The following MLLT6 variants were observed in gnomAD, a reference collection of about 807,000 sequenced individuals.
The protein encoded by MLLT6 is protein AF-17.
MLLT6 carries 22 observed loss-of-function variants against 103.0 expected under a neutral mutation model. That is an observed-to-expected ratio of 0.21 (90% confidence interval 0.15 to 0.31). The LOEUF is 0.31. Among genes scored for constraint, MLLT6 ranks in the 10% least tolerant of loss-of-function variants. MLLT6 has a pLI of 1.00. For missense variants in MLLT6, 1,199 were observed against 1,441.7 expected, an observed-to-expected ratio of 0.83 and a Z score of 2.73; for synonymous variants, 606 against 623.5, an observed-to-expected ratio of 0.97 and a Z score of 0.42.
chr17:38,720,952 C>T, intron 16 of MLLT6: 1 of 603,222 alleles, frequency 1.7e-6, no homozygotes, highest in Non-Finnish European at 3.0e-6. Context: ...GTGAGCAAAA[C>T]CGGCACAGCG....
In MLLT6 at chr17:38,712,780, T is replaced by G; in HGVS notation, c.810T>G (p.Thr270=). Residue 270 remains threonine, a synonymous_variant, in exon 8 of 20, where the codon ACT becomes ACG. Coordinates refer to ENST00000621332, the MANE Select transcript of MLLT6 (RefSeq NM_005937.4). ...PSILTPPVVP[T]ADKVSSSASS... ...TCCTCACCCCGCCCGTGGTCCCCAC[T>G]GCTGACAAGGTACTGCTGCCCACCT... 1.2e-6 allele frequency: 2 copies of G among 1,612,458 alleles called. No homozygotes were observed. The highest frequency in any genetic ancestry group is 1.7e-6 in the Non-Finnish European group (2 of 1,178,648).
intron 14 of MLLT6, chr17:38,720,102 C>T: frequency 2.6e-6 from 2 of 780,810 alleles, no homozygotes; most frequent in Non-Finnish European, 4.0e-6. Flanking sequence ...CCTTCGTGGC[C>T]TCCGGGCCCC....
At position 38,715,603 on chromosome 17, in the gene MLLT6, C is replaced by G. The variant is rs761351116; in HGVS notation, c.820-9C>G. On this transcript the variant is annotated splice_polypyrimidine_tract_variant and intron_variant, in intron 8 of 19. Transcript: ENST00000621332. ...CTGGTGTTGAACCTTCCTCTCTCCT[C>G]TCCTTCAGGTCTCCTCCTCGGCTTC... is the stretch of plus-strand genomic sequence containing the variant. 3 of 1,606,902 alleles carry G rather than the reference C, an allele frequency of 1.9e-6. No individual in the cohort carries two copies. The highest frequency in any genetic ancestry group is 4.5e-5 in the East Asian group (2 of 44,878).
At chr17:38,710,243 C>G (rs1056714583) in intron 6 of MLLT6, among the ~76,000 whole-genome samples, 4 of 152,118 alleles carry the variant, frequency 2.6e-5, no homozygotes, top group Non-Finnish European at 5.9e-5. Context: ...GAAAGCAGAG[C>G]CCGAGCTGGG....
chr17:38,712,858 G>A (rs749400961), intron 8 of MLLT6, 69 bp downstream of exon 8: 39 of 1,210,502 alleles, frequency 3.2e-5, no homozygotes, highest in South Asian at 1.5e-4. Context: ...AGGCGGGGGC[G>A]AGAGGTTGGT....
In MLLT6 at chr17:38,711,912, G is replaced by A. The variant is rs1410304024; in HGVS notation, c.618G>A (p.Gly206=). Residue 206 remains glycine (G), a synonymous_variant, in exon 7 of 20, where the codon GGG becomes GGA. Coordinates refer to ENST00000621332, the MANE Select transcript of MLLT6 (RefSeq NM_005937.4). ...GGAGGGGGSM[G]GGGSGFISGR... is the part of the protein sequence containing the mutation. ...CTGGAGGAGGAGGTGGCAGCATGGG[G>A]GGAGGTGGCAGTGGTTTCATCTCTG... The A allele has an allele frequency of 3.7e-6, 6 of 1,608,756 alleles. No individual in the cohort carries two copies. In the South Asian group the frequency reaches 6.6e-5, roughly 18 times the overall value.
At chr17:38,720,120 C>G in intron 14 of MLLT6, 1 of 723,478 alleles carries the variant, frequency 1.4e-6, no homozygotes, top group Non-Finnish European at 2.2e-6. Flanking sequence ...CCCGACCTTA[C>G]CAAACCGCAA....
rs1905078910 is a variant in MLLT6 at position 38,709,715 on chromosome 17, CT to C, written c.552+142del. On this transcript the variant is annotated intron_variant, in intron 6 of 19. Transcript: ENST00000621332. This position sits in a 1 kb window ranked among gnomAD's most constrained non-coding sequence, Gnocchi z 4.3. ...ACCCAGTCCCTGCCCAAGAGGAGCT[CT>C]TCATTCGATGAGGAATAAAGTACAG... is the stretch of plus-strand genomic sequence containing the variant. The C allele has an allele frequency of 1.5e-6, 1 of 666,116 alleles. No homozygotes were observed. Among genetic ancestry groups the C allele is most frequent in the Non-Finnish European group, 2.7e-6 (1 of 370,988 alleles). 41.3% of individuals were successfully genotyped at this position (666,116 alleles called of 1,614,324 possible). A position where few individuals can be genotyped will look rare whatever the true frequency, so the allele number is the denominator to read the frequency against.
chr17:38,714,981 A>G (rs1186050052), intron 8 of MLLT6, among the ~76,000 whole-genome samples: 1 of 152,118 alleles, frequency 6.6e-6, no homozygotes, highest in African/African-American at 2.4e-5. Context: ...GTTCCACCTG[A>G]GGTATTTAGG....
intron 6 of MLLT6, among the ~76,000 whole-genome samples, chr17:38,711,196 A>G (rs1345418159): frequency 6.6e-6 from 1 of 152,132 alleles, no homozygotes; most frequent in Non-Finnish European, 1.5e-5. Flanking sequence ...GGGTGGAGCC[A>G]TCAGGCTGGG....
Position 38,720,430 on chromosome 17 carries a change from G to T in MLLT6, c.2214G>T (p.Glu738Asp). 6.2e-7 allele frequency: 1 copy of T among 1,612,830 alleles called. No homozygotes were observed. Among genetic ancestry groups the T allele is most frequent in the Non-Finnish European group, 8.5e-7 (1 of 1,179,980 alleles). ...AGAAGGAGAACCAGCGGCTGCAAGA[G>T]CAGATCCTGAGCCTGACGGCCAAAA... ...ALQKENQRLQ[E>D]QILSLTAKKE... is the part of the protein sequence containing the mutation. The change falls in exon 15 of 20, where the codon GAG (glutamate) becomes GAT (aspartate). Residue 738 changes from glutamate (E) to aspartate (D), a missense_variant. Physicochemically the swap from Glu to Asp is conservative, Grantham distance 45 (BLOSUM62 2). Around this residue, in one of 7 missense-constraint regions of MLLT6, gnomAD observed 1,034 missense variants for 1,091.5 expected, o/e 0.95. Transcript: ENST00000621332.
intron 11 of MLLT6, 76 bp from the exon 12 acceptor site, chr17:38,717,769 C>A: frequency 7.1e-7 from 1 of 1,407,180 alleles, no homozygotes; most frequent in Non-Finnish European, 1.0e-6. Flanking sequence ...CACACCCGGC[C>A]CCCTGCACCC....
intron 4 of MLLT6, 41 bp downstream of exon 4, chr17:38,707,913 A>G (rs1428864973): frequency 8.2e-7 from 1 of 1,223,772 alleles, no homozygotes; most frequent in Non-Finnish European, 1.2e-6. Flanking sequence ...GTTCCCTCCC[A>G]TCTATGGGTT....
Position 38,716,918 on chromosome 17 carries a change from C to G in MLLT6, c.1588C>G (p.Arg530Gly). 3.1e-6 allele frequency: 5 copies of G among 1,613,734 alleles called. No individual in the cohort carries two copies. Among genetic ancestry groups the G allele is most frequent in the Non-Finnish European group, 3.4e-6 (4 of 1,179,920 alleles). ...VSSGLGGLSS[R>G]TFGPSGSLPS... ...CTCCGGCCTGGGAGGTCTGTCCTCC[C>G]GAACCTTTGGGCCTTCTGGGAGCTT... The change falls in exon 10 of 20, where the codon CGA (arginine) becomes GGA (glycine). Residue 530 changes from arginine (R) to glycine (G), a missense_variant. By Grantham distance (125) the Arg-to-Gly change is moderately radical. Around this residue, in one of 7 missense-constraint regions of MLLT6, gnomAD observed 1,034 missense variants for 1,091.5 expected, o/e 0.95. Transcript: ENST00000621332. This position sits in a 1 kb window ranked among gnomAD's most constrained non-coding sequence, Gnocchi z 5.6.
Position 38,726,165 on chromosome 17 carries a change from G to C in MLLT6, c.*567G>C, listed in dbSNP as rs1167229348. On this transcript the variant is annotated 3_prime_UTR_variant, in exon 20 of 20. Coordinates refer to ENST00000621332, the MANE Select transcript of MLLT6 (RefSeq NM_005937.4). ...GCTTGTAAAAGCCCACAGATGTTGG[G>C]GGCTGGAGAAGGGGCAGGAGAGCAT... is the stretch of plus-strand genomic sequence containing the variant. 8 of 233,932 alleles carry C rather than the reference G, an allele frequency of 3.4e-5. No homozygotes were observed. The highest frequency in any genetic ancestry group is 5.9e-5 in the Non-Finnish European group (7 of 118,324). 14.5% of individuals were successfully genotyped at this position (233,932 alleles called of 1,614,324 possible).
Position 38,715,763 on chromosome 17 carries a change from T to C in MLLT6, c.971T>C (p.Phe324Ser). Residue 324 changes from phenylalanine (F) to serine (S), a missense_variant, in exon 9 of 20, where the codon TTT (phenylalanine) becomes TCT (serine). Coordinates refer to ENST00000621332, the MANE Select transcript of MLLT6 (RefSeq NM_005937.4). Reference protein sequence around the residue: ...KLSSGKGVSSFTSASSSSSSS... With the variant: ...KLSSGKGVSSSTSASSSSSSS... ...AGCAGTGGGAAAGGTGTGAGCAGTT[T>C]TACCTCCGCCTCCTCTTCTTCCTCC... The C allele has an allele frequency of 6.2e-7, 1 of 1,613,764 alleles. No homozygotes were observed. Among genetic ancestry groups the C allele is most frequent in the Non-Finnish European group, 8.5e-7 (1 of 1,179,860 alleles).
intron 16 of MLLT6, 23 bp from the exon 17 acceptor site, chr17:38,721,855 C>A: frequency 6.6e-7 from 1 of 1,518,340 alleles, no homozygotes; most frequent in Non-Finnish European, 8.8e-7. Context: ...CCTCTGACCC[C>A]TCCCTTCCCC....
At chr17:38,719,236 G>C (rs915811805) in intron 12 of MLLT6, 3 of 494,494 alleles carry the variant, frequency 6.1e-6, no homozygotes, top group African/African-American at 6.0e-5. Context: ...CTATAACTCT[G>C]AAGATCCCAG....
intron 18 of MLLT6, among the ~76,000 whole-genome samples, chr17:38,723,155 T>C (rs1905851676): frequency 6.6e-6 from 1 of 152,168 alleles, no homozygotes; most frequent in Non-Finnish European, 1.5e-5. Context: ...TGGGTCTGTC[T>C]CCTGTTGGGT....
Sources: gnomAD v4.1 joint callset for allele counts (sites outside exome capture counted in the v4.1 genomes callset) on GRCh38, gnomAD v4.1.1 for gene constraint, gnomAD v4.1.1 regional missense constraint, Gnocchi (gnomAD v3.1) non-coding constraint, MANE v1.5 for transcripts, NCBI Gene and HGNC (gene_info 2026-07-23, HGNC 2026-07-21) for gene names.